CPNE1: variants seen among roughly 807,000 people sequenced by gnomAD.
The protein encoded by CPNE1 is copine-1.
In CPNE1, 58 loss-of-function variants were observed where a neutral mutation model predicts 63.2. The observed-to-expected ratio is 0.92, with a 90% CI of 0.74 to 1.14. CPNE1 has a LOEUF of 1.14. CPNE1 is among the 50% of genes most tolerant of loss of function. The pLI is 0.00. For missense variants in CPNE1, 672 were observed against 661.7 expected (o/e 1.02, Z -0.17); for synonymous variants, 237 against 249.0 (o/e 0.95, Z 0.45).
At chr20:35,640,293 G>A (rs1006501286) in intron 1 of CPNE1, among the ~76,000 whole-genome samples, 1 of 152,046 alleles carries the variant, frequency 6.6e-6, no homozygotes, top group African/African-American at 2.4e-5. Context: ...AACTGTTCAT[G>A]TCACTCTTCT....
intron 1 of CPNE1, among the ~76,000 whole-genome samples, chr20:35,648,688 C>T (rs1197279593): frequency 6.6e-6 from 1 of 152,168 alleles, no homozygotes; most frequent in African/African-American, 2.4e-5. Context: ...ACACATCATA[C>T]ACATAAAATT....
chr20:35,649,599 G>A (rs1288716042), intron 1 of CPNE1: 1 of 152,486 alleles, frequency 6.6e-6, no homozygotes, highest in African/African-American at 2.4e-5. Flanking sequence ...AATAATAATT[G>A]TACATCCAAA....
chr20:35,654,732 T>C lies in CPNE1; in HGVS notation c.-1+10028A>G, dbSNP rs200270828. The stretch of plus-strand genomic sequence containing the variant: ...GAATGGATGGCATTGGTGGCAGAGA[T>C]GGCATCGCTGGAATTGGAGGAATTG... On this transcript the variant is annotated intron_variant, in intron 1 of 15. Coordinates refer to ENST00000397443, the MANE Select transcript of CPNE1 (RefSeq NM_152925.3). 8.4e-5 allele frequency: 135 copies of C among 1,613,734 alleles called. No homozygotes were observed. The East Asian group carries it at 2.9e-3, about 35-fold the overall frequency.
In CPNE1 at chr20:35,632,599, A is replaced by C; in HGVS notation, c.227T>G (p.Phe76Cys). The change falls in exon 3 of 16, where the codon TTT becomes TGT. Residue 76 changes from phenylalanine to cysteine, a missense_variant. Phe to Cys is a radical substitution (Grantham distance 205). Coordinates refer to ENST00000397443, the MANE Select transcript of CPNE1 (RefSeq NM_152925.3). Reference sequence around the variant, plus strand: ...CTTGTTGTCTATGTCATAGATTCCAAAGCGTAGCTTCTGGACTGTCTCAAA... The same window carrying C: ...CTTGTTGTCTATGTCATAGATTCCACAGCGTAGCTTCTGGACTGTCTCAAA... The part of the protein sequence containing the change: ...YRFETVQKLR[F>C]GIYDIDNKTP... The C allele has an allele frequency of 6.2e-7, 1 of 1,608,594 alleles. No individual in the cohort carries two copies. Among genetic ancestry groups the C allele is most frequent in the South Asian group, 1.1e-5 (1 of 90,962 alleles).
In CPNE1 at chr20:35,632,295, T is replaced by C; in HGVS notation, c.384+16A>G. 1 of 1,613,628 alleles carries C rather than the reference T, an allele frequency of 6.2e-7. No individual in the cohort carries two copies. Reference sequence around the variant, plus strand: ...TTGATGTTAAGTCCCTCCTCAACCCTTGCTGGGTTCCTTACCGTGATGGTC... The same window carrying C: ...TTGATGTTAAGTCCCTCCTCAACCCCTGCTGGGTTCCTTACCGTGATGGTC... On this transcript the variant is annotated intron_variant, in intron 4 of 15. Coordinates refer to ENST00000397443, the MANE Select transcript of CPNE1 (RefSeq NM_152925.3).
chr20:35,654,912 G>A (rs778235130), intron 1 of CPNE1: 1 of 1,614,100 alleles, frequency 6.2e-7, no homozygotes, highest in Admixed American at 1.7e-5. Context: ...GAACAGAAGT[G>A]GTGGCAGTAA....
At chr20:35,655,921 C>T (rs2033870935) in intron 1 of CPNE1, among the ~76,000 whole-genome samples, 1 of 152,138 alleles carries the variant, frequency 6.6e-6, no homozygotes, top group Non-Finnish European at 1.5e-5. Context: ...TAAATGAGAA[C>T]TGGTTCCATT....
Position 35,652,333 on chromosome 20 carries a change from A to G in CPNE1, c.-1+12427T>C, listed in dbSNP as rs934937485. ...TGTTCTCTCCAGATAGCTTTACTGTAACATACAGCAATGTTTATCCTGGTG... is the reference window on the plus strand; with the variant it reads ...TGTTCTCTCCAGATAGCTTTACTGTGACATACAGCAATGTTTATCCTGGTG... On this transcript the variant is annotated intron_variant, in intron 1 of 15. Coordinates refer to ENST00000397443, the MANE Select transcript of CPNE1 (RefSeq NM_152925.3). The G allele has an allele frequency of 9.7e-6, 6 of 620,316 alleles. No homozygotes were observed. The East Asian group carries it at 1.4e-4, about 15-fold the overall frequency. 38.4% of individuals were successfully genotyped at this position (620,316 alleles called of 1,614,324 possible).
intron 1 of CPNE1, among the ~76,000 whole-genome samples, chr20:35,661,422 A>G (rs1051855474): frequency 1.3e-5 from 2 of 152,240 alleles, no homozygotes; most frequent in Non-Finnish European, 2.9e-5. Context: ...ATAACTAAAC[A>G]ATAAAACATC....
intron 12 of CPNE1, 100 bp downstream of exon 12, chr20:35,630,641 T>G: frequency 6.7e-7 from 1 of 1,499,308 alleles, no homozygotes. Flanking sequence ...CTGCATCTCC[T>G]CTTAAAGCTG....
intron 1 of CPNE1, among the ~76,000 whole-genome samples, chr20:35,646,400 T>TTC (rs2033103254): frequency 6.6e-6 from 1 of 150,584 alleles, no homozygotes; most frequent in Admixed American, 6.6e-5. Context: ...CTTTTTTTTT[T>TTC]TTTTTTTGAG....
chr20:35,655,407 A>G (rs2033837235), intron 1 of CPNE1: 2 of 1,369,978 alleles, frequency 1.5e-6, no homozygotes, highest in Non-Finnish European at 2.0e-6. Context: ...GTTTTTAGCT[A>G]CAAGAATGAC....
chr20:35,646,421 G>C (rs1293476815), intron 1 of CPNE1, among the ~76,000 whole-genome samples: 1 of 128,284 alleles, frequency 7.8e-6, no homozygotes, highest in Non-Finnish European at 1.6e-5. Flanking sequence ...ACAGGGTCTT[G>C]CTATGTTACT....
At chr20:35,641,750 T>A (rs2032824355) in intron 1 of CPNE1, among the ~76,000 whole-genome samples, 2 of 152,202 alleles carry the variant, frequency 1.3e-5, no homozygotes. Flanking sequence ...ACGACTGTAT[T>A]CTGTCGATGT....
chr20:35,650,895 C>G (rs901279800), intron 1 of CPNE1: 11 of 152,674 alleles, frequency 7.2e-5, no homozygotes, highest in Non-Finnish European at 1.3e-4. Context: ...TGTAACTACG[C>G]TGATTTGTAG....
intron 1 of CPNE1, chr20:35,654,277 T>C (rs1296694351): frequency 6.2e-7 from 1 of 1,614,186 alleles, no homozygotes; most frequent in Admixed American, 1.7e-5. Context: ...GGAGAGAAAC[T>C]TAACCAATCC....
chr20:35,653,007 A>C, intron 1 of CPNE1: 1 of 1,613,844 alleles, frequency 6.2e-7, no homozygotes, highest in Non-Finnish European at 8.5e-7. Context: ...GTCCACCTCC[A>C]AAACCCGGAA....
At chr20:35,638,752 AAT>A (rs1227762158) in intron 1 of CPNE1, among the ~76,000 whole-genome samples, 1 of 152,264 alleles carries the variant, frequency 6.6e-6, no homozygotes, top group Non-Finnish European at 1.5e-5. Flanking sequence ...GGTATTCATC[AAT>A]ATGAGAACCA....
intron 1 of CPNE1, among the ~76,000 whole-genome samples, chr20:35,645,742 CAG>C (rs747358977): frequency 2.6e-5 from 4 of 152,200 alleles, no homozygotes; most frequent in Non-Finnish European, 4.4e-5. Context: ...TCACTTCAGT[CAG>C]AGTTACAGCA....
Sources: gnomAD v4.1 joint callset for allele counts (sites outside exome capture counted in the v4.1 genomes callset) on GRCh38, gnomAD v4.1.1 for gene constraint, MANE v1.5 for transcripts, NCBI Gene and HGNC (gene_info 2026-07-23, HGNC 2026-07-21) for gene names.